Variants in TAX1BP1 observed in about 807,000 individuals in gnomAD.
The protein encoded by TAX1BP1 is tax1-binding protein 1.
Under a neutral mutation model 97.7 loss-of-function variants are expected in TAX1BP1, and 62 were observed. That is an observed-to-expected ratio of 0.63 (90% CI 0.52 to 0.78). The LOEUF is 0.78. Among genes scored for constraint, TAX1BP1 ranks in the 30% least tolerant of loss-of-function variants. The probability of loss-of-function intolerance (pLI) is 0.00; values close to 1 mark genes in which losing one functional copy is unlikely to be tolerated. For missense variants in TAX1BP1, 867 were observed against 916.1 expected (o/e 0.95, Z 0.69); for synonymous variants, 340 against 304.2 (o/e 1.12, Z -1.23).
intron 2 of TAX1BP1, among the ~76,000 whole-genome samples, chr7:27,754,617 G>A (rs188742625): frequency 6.6e-6 from 1 of 152,126 alleles, no homozygotes; most frequent in Non-Finnish European, 1.5e-5. Flanking sequence ...CTATCGCCGA[G>A]GCTGGAGTGC....
At chr7:27,803,214 A>G in intron 13 of TAX1BP1, 1 of 1,466,102 alleles carries the variant, frequency 6.8e-7, no homozygotes, top group Non-Finnish European at 9.1e-7. Flanking sequence ...AATGTGTATC[A>G]CATGAAACTG....
chr7:27,813,483 C>G (rs1445696874), intron 13 of TAX1BP1, among the ~76,000 whole-genome samples: 1 of 151,926 alleles, frequency 6.6e-6, no homozygotes, highest in Admixed American at 6.6e-5. Context: ...GGTTTCTGAG[C>G]AGTTGGGACT....
intron 13 of TAX1BP1, among the ~76,000 whole-genome samples, chr7:27,814,221 T>C (rs549168713): frequency 2.0e-5 from 3 of 152,276 alleles, no homozygotes; most frequent in African/African-American, 7.2e-5. Context: ...TTTTCAGTCT[T>C]GGCAAGAGAT....
chr7:27,755,090 C>G (rs1206614803), intron 2 of TAX1BP1, among the ~76,000 whole-genome samples: 2 of 151,948 alleles, frequency 1.3e-5, no homozygotes, highest in Non-Finnish European at 2.9e-5. Context: ...CATTTTTTTC[C>G]TAAAGGAACT....
At chr7:27,769,935 T>G in intron 5 of TAX1BP1, 101 bp downstream of exon 5, 1 of 1,158,808 alleles carries the variant, frequency 8.6e-7, no homozygotes, top group Non-Finnish European at 1.2e-6. Context: ...AACCAGGTAC[T>G]GAGAAAAGTA....
At chr7:27,777,150 C>T (rs1789064385) in intron 5 of TAX1BP1, among the ~76,000 whole-genome samples, 1 of 152,102 alleles carries the variant, frequency 6.6e-6, no homozygotes, top group African/African-American at 2.4e-5. Context: ...CTTTTCTACT[C>T]ATTATGGGTT....
intron 12 of TAX1BP1, among the ~76,000 whole-genome samples, chr7:27,798,663 CAAAAAAAAAA>C (rs34078205): frequency 1.4e-5 from 1 of 72,284 alleles, no homozygotes; most frequent in Non-Finnish European, 3.1e-5. Context: ...GACTCTGTCT[CAAAAAAAAAA>C]AAAAAAAAGA....
chr7:27,801,650 T>C (rs1254175166), intron 13 of TAX1BP1, among the ~76,000 whole-genome samples: 1 of 152,194 alleles, frequency 6.6e-6, no homozygotes, highest in African/African-American at 2.4e-5. Context: ...AATGGTAGTA[T>C]GCACAAAATT....
intron 13 of TAX1BP1, among the ~76,000 whole-genome samples, chr7:27,810,733 C>CA (rs1475418360): frequency 6.6e-6 from 1 of 152,142 alleles, no homozygotes; most frequent in African/African-American, 2.4e-5. Flanking sequence ...TCTTCCCTCC[C>CA]AAAGTGCTGG....
rs1324490870 is a variant in TAX1BP1, at chr7:27,816,496, C to T, written c.1912C>T (p.Pro638Ser). 6.5e-7 allele frequency: 1 copy of T among 1,540,876 alleles called. No individual in the cohort carries two copies. The highest frequency in any genetic ancestry group is 8.6e-7 in the Non-Finnish European group (1 of 1,156,568). The change falls in exon 14 of 17, where the codon CCT becomes TCT. Residue 638 changes from proline to serine, a missense_variant. Pro to Ser is a moderately conservative substitution (Grantham distance 74). This residue lies in a region of TAX1BP1 where 822 missense variants were observed against 851.4 expected (regional missense o/e 0.97). Transcript: ENST00000396319. Reference sequence around the variant, plus strand: ...ACAACCAGTTCTGCAATATGGTAATCCTTATGCATCTCAGGAAACAAGAGG... The same window carrying T: ...ACAACCAGTTCTGCAATATGGTAATTCTTATGCATCTCAGGAAACAAGAGG... ...NAQPVLQYGN[P>S]YASQETRDGA...
rs1706967367 is a variant in TAX1BP1, at chr7:27,800,068, C to G, written c.1742C>G (p.Ala581Gly). Residue 581 changes from alanine (A) to glycine (G), a missense_variant, in exon 13 of 17, where the codon GCT becomes GGT. Transcript: ENST00000396319. ...GCTGAAAATGTAAAACTTGAACTAG[C>G]TGAAGTACAGGACAATTATAAAGTA... Reference protein sequence around the residue: ...KIAENVKLELAEVQDNYKELK... With the variant: ...KIAENVKLELGEVQDNYKELK... 11 of 1,589,704 alleles carry G rather than the reference C, an allele frequency of 6.9e-6. No homozygotes were observed. The highest frequency in any genetic ancestry group is 9.4e-6 in the Non-Finnish European group (11 of 1,168,374).
intron 4 of TAX1BP1, among the ~76,000 whole-genome samples, chr7:27,769,039 G>A (rs1421784622): frequency 6.6e-5 from 10 of 151,722 alleles, no homozygotes; most frequent in Non-Finnish European, 1.2e-4. Flanking sequence ...ATATTTTCCT[G>A]AACTATTAGC....
Position 27,816,487 on chromosome 7 carries a change from TA to T in TAX1BP1, c.1904del (p.Tyr635LeufsTer54). 1 of 1,557,424 alleles carries T rather than the reference TA, an allele frequency of 6.4e-7. No individual in the cohort carries two copies. Among genetic ancestry groups the T allele is most frequent in the Non-Finnish European group, 8.6e-7 (1 of 1,163,188 alleles). On this transcript the variant is annotated frameshift_variant, in exon 14 of 17. Transcript: ENST00000396319. LOFTEE classifies it high-confidence loss of function. ...TLSNAQPVLQ[Y>X]GNPYASQETR... ...GTCAAATGCACAACCAGTTCTGCAA[TA>T]TGGTAATCCTTATGCATCTCAGGAA...
In TAX1BP1 at chr7:27,793,054, G is replaced by A. The variant is rs773244092; in HGVS notation, c.1264-12G>A. On this transcript the variant is annotated splice_polypyrimidine_tract_variant and intron_variant, in intron 9 of 16. Coordinates refer to ENST00000396319, the MANE Select transcript of TAX1BP1 (RefSeq NM_006024.7). ...TTTTTATTTTTTTCTTCAAATGTTT[G>A]TTTCTTTCTAGGACAAGACTGATAC... 8 of 1,573,176 alleles carry A rather than the reference G, an allele frequency of 5.1e-6. No individual in the cohort carries two copies. The highest frequency in any genetic ancestry group is 1.7e-4 in the Middle Eastern group (1 of 5,948).
intron 15 of TAX1BP1, among the ~76,000 whole-genome samples, chr7:27,819,649 G>T (rs1384800601): frequency 6.6e-6 from 1 of 152,134 alleles, no homozygotes; most frequent in Non-Finnish European, 1.5e-5. Flanking sequence ...TTAAATATGT[G>T]TTTTTGACTT....
chr7:27,821,634 CAA>C (rs372220008), intron 15 of TAX1BP1, among the ~76,000 whole-genome samples: 13 of 125,296 alleles, frequency 1.0e-4, no homozygotes, highest in Admixed American at 1.6e-4. Context: ...GACTCGGTCT[CAA>C]AAAAAAAAAA....
chr7:27,796,234 T>C lies in TAX1BP1; in HGVS notation c.1638+15T>C, dbSNP rs1562728377. 2 of 1,519,066 alleles carry C rather than the reference T, an allele frequency of 1.3e-6. No individual in the cohort carries two copies. Among genetic ancestry groups the C allele is most frequent in the Non-Finnish European group, 1.8e-6 (2 of 1,126,462 alleles). The allele number at this position is 1,519,066 out of a possible 1,614,324, so 94.1% of individuals were successfully genotyped here. On this transcript the variant is annotated intron_variant, in intron 12 of 16. Coordinates refer to ENST00000396319, the MANE Select transcript of TAX1BP1 (RefSeq NM_006024.7). ...AACTCTTGCAGGTAAGTTAACTACC[T>C]TGTAAGTGAAAGAGATTTATAAAAT...
chr7:27,741,157 G>A (rs915312550), intron 1 of TAX1BP1, among the ~76,000 whole-genome samples: 35 of 152,172 alleles, frequency 2.3e-4, no homozygotes, highest in African/African-American at 7.7e-4. Context: ...GCTTTAGATG[G>A]GAAAATAAAT....
intron 13 of TAX1BP1, among the ~76,000 whole-genome samples, chr7:27,806,224 T>TA (rs1248581522): frequency 1.3e-5 from 2 of 152,116 alleles, no homozygotes; most frequent in Non-Finnish European, 2.9e-5. Flanking sequence ...TAGCTGGGAT[T>TA]ACAGGCTCCC....
Sources: gnomAD v4.1 joint callset for allele counts (sites outside exome capture counted in the v4.1 genomes callset) on GRCh38, gnomAD v4.1.1 for gene constraint, gnomAD v4.1.1 regional missense constraint, MANE v1.5 for transcripts, NCBI Gene and HGNC (gene_info 2026-07-23, HGNC 2026-07-21) for gene names.